Variants in BCL11B observed in about 807,000 individuals in gnomAD.
The protein encoded by BCL11B is B-cell lymphoma/leukemia 11B.
Under a neutral mutation model 49.9 loss-of-function variants are expected in BCL11B, and 8 were observed. The observed-to-expected ratio is 0.16, with a 90% CI of 0.09 to 0.29. The LOEUF (loss-of-function observed/expected upper bound fraction) is 0.29. Among genes scored for constraint, BCL11B ranks in the 10% least tolerant of loss-of-function variants. The pLI is 1.00. For missense variants in BCL11B, 1,006 were observed against 1,351.0 expected (o/e 0.74, Z 4.00); for synonymous variants, 739 against 637.4 (o/e 1.16, Z -2.40).
At chr14:99,244,160 C>T (rs183931673) in intron 2 of BCL11B, among the ~76,000 whole-genome samples, 25 of 150,958 alleles carry the variant, frequency 1.7e-4, no homozygotes, top group African/African-American at 5.2e-4. Context: ...AGAAATCACG[C>T]GTAATTCTGA....
chr14:99,227,534 G>C (rs1888193015), intron 3 of BCL11B, among the ~76,000 whole-genome samples: 1 of 152,176 alleles, frequency 6.6e-6, no homozygotes, highest in Non-Finnish European at 1.5e-5. Flanking sequence ...ACAAAGCCCA[G>C]GAGTGTCCAA....
At chr14:99,269,325 G>A (rs1396003769) in intron 1 of BCL11B, among the ~76,000 whole-genome samples, 2 of 152,152 alleles carry the variant, frequency 1.3e-5, no homozygotes, top group Non-Finnish European at 2.9e-5. Flanking sequence ...CTTGGTAAAG[G>A]ATCGAAATGT....
chr14:99,199,683 T>TGCGCGCGCGCGC (rs1555378683), intron 3 of BCL11B, among the ~76,000 whole-genome samples: 24 of 73,638 alleles, frequency 3.3e-4, no homozygotes, highest in East Asian at 9.4e-4. Context: ...TGTGTGTGTG[T>TGCGCGCGCGCGC]GCGCGCGCGC....
Position 99,231,417 on chromosome 14 carries a change from G to A in BCL11B, c.568C>T (p.Pro190Ser), listed in dbSNP as rs1888329879. 2 of 1,596,776 alleles carry A rather than the reference G, an allele frequency of 1.3e-6. No individual in the cohort carries two copies. Among genetic ancestry groups the A allele is most frequent in the African/African-American group, 1.3e-5 (1 of 74,378 alleles). Residue 190 changes from proline to serine, a missense_variant, in exon 3 of 4, where the codon CCG becomes TCG. By Grantham distance (74) the Pro-to-Ser change is moderately conservative (BLOSUM62 -1). Coordinates refer to ENST00000357195, the MANE Select transcript of BCL11B (RefSeq NM_138576.4). The surrounding 1 kb of genome is among the most constrained non-coding windows in gnomAD (Gnocchi z 8.1). ...CLPLPCCSAR[P>S]VSGDGTQGEG... is the part of the protein sequence containing the mutation. ...CCCTGAGTCCCGTCACCCGAGACCG[G>A]GCGCGCGCTGCAGCACGGCAGGGGG...
At chr14:99,187,167 C>T (rs1886876926) in intron 3 of BCL11B, among the ~76,000 whole-genome samples, 2 of 152,202 alleles carry the variant, frequency 1.3e-5, no homozygotes, top group South Asian at 4.1e-4. Flanking sequence ...AGGAAACAGC[C>T]ACCCAACCCC....
At chr14:99,258,905 G>C (rs948464673) in intron 1 of BCL11B, among the ~76,000 whole-genome samples, 1 of 149,534 alleles carries the variant, frequency 6.7e-6, no homozygotes, top group Non-Finnish European at 1.5e-5. Context: ...TTTTTTTTGT[G>C]GGGGAGAGAG....
chr14:99,199,679 T>TGCGCGCGC (rs1416553945), intron 3 of BCL11B, among the ~76,000 whole-genome samples: 52 of 69,936 alleles, frequency 7.4e-4, no homozygotes, highest in East Asian at 1.2e-3. Context: ...TGTGTGTGTG[T>TGCGCGCGC]GTGTGCGCGC....
Position 99,257,696 on chromosome 14 carries a change from C to G in BCL11B, c.202G>C (p.Gly68Arg), listed in dbSNP as rs1300560260. Residue 68 changes from glycine to arginine, a missense_variant, in exon 2 of 4, where the codon GGG (glycine) becomes CGG (arginine). Coordinates refer to ENST00000357195, the MANE Select transcript of BCL11B (RefSeq NM_138576.4). This position sits in a 1 kb window ranked among gnomAD's most constrained non-coding sequence, Gnocchi z 6.2. ...CGQCQMNFPL[G>R]DILVFIEHKR... Reference sequence around the variant, plus strand: ...TGCTCTATAAAAACCAGGATGTCCCCCAAGGGGAAGTTCATTTGACACTGG... The same window carrying G: ...TGCTCTATAAAAACCAGGATGTCCCGCAAGGGGAAGTTCATTTGACACTGG... The G allele has an allele frequency of 9.9e-6, 16 of 1,612,462 alleles. No individual in the cohort carries two copies. Among genetic ancestry groups the G allele is most frequent in the Non-Finnish European group, 1.4e-5 (16 of 1,178,980 alleles).
intron 3 of BCL11B, among the ~76,000 whole-genome samples, chr14:99,207,157 C>T (rs890596117): frequency 6.6e-6 from 1 of 152,162 alleles, no homozygotes; most frequent in Non-Finnish European, 1.5e-5. Context: ...CCTTTTCTGT[C>T]CCTTGATTGT....
intron 1 of BCL11B, among the ~76,000 whole-genome samples, chr14:99,267,793 T>C (rs1889530308): frequency 6.6e-6 from 1 of 152,248 alleles, no homozygotes; most frequent in African/African-American, 2.4e-5. Context: ...CTAGTTGTTT[T>C]ACAAAATCGT....
At chr14:99,197,236 A>C (rs571916772) in intron 3 of BCL11B, among the ~76,000 whole-genome samples, 1 of 152,278 alleles carries the variant, frequency 6.6e-6, no homozygotes, top group East Asian at 1.9e-4. Flanking sequence ...GTGGGTCAGA[A>C]GCAATGAGCA....
rs1351587364 is a variant in BCL11B, at chr14:99,194,877, C to CTT, written c.641-18684_641-18683dup. 5.9e-5 allele frequency among the ~76,000 whole-genome samples: 9 copies of CTT among 152,318 alleles called. No homozygotes were observed. The highest frequency in any genetic ancestry group is 2.2e-4 in the African/African-American group (9 of 41,574). On this transcript the variant is annotated intron_variant, in intron 3 of 3. Coordinates refer to ENST00000357195, the MANE Select transcript of BCL11B (RefSeq NM_138576.4). This position sits in a 1 kb window ranked among gnomAD's most constrained non-coding sequence, Gnocchi z 4.6. ...TGGTCAGTCCTTACCACGATCCCATCTTACCTCAGCTCCCAAGTGCAGAAG... is the reference window on the plus strand; with the variant it reads ...TGGTCAGTCCTTACCACGATCCCATCTTTTACCTCAGCTCCCAAGTGCAGAAG...
At chr14:99,180,103 C>A (rs555724104) in intron 3 of BCL11B, among the ~76,000 whole-genome samples, 3 of 152,296 alleles carry the variant, frequency 2.0e-5, no homozygotes, top group Non-Finnish European at 2.9e-5. Context: ...CTGTCACCCC[C>A]CTCCAGGAAC....
At chr14:99,219,653 A>G (rs1176127380) in intron 3 of BCL11B, among the ~76,000 whole-genome samples, 1 of 152,116 alleles carries the variant, frequency 6.6e-6, no homozygotes, top group Non-Finnish European at 1.5e-5. Context: ...CTGATTCCAA[A>G]TACGGGGCTC....
chr14:99,189,997 G>A (rs990318721), intron 3 of BCL11B, among the ~76,000 whole-genome samples: 1 of 152,172 alleles, frequency 6.6e-6, no homozygotes, highest in Non-Finnish European at 1.5e-5. Flanking sequence ...GCCGAGCCCA[G>A]GAAATCACTC....
intron 3 of BCL11B, among the ~76,000 whole-genome samples, chr14:99,215,233 G>T (rs953198035): frequency 6.6e-6 from 1 of 152,216 alleles, no homozygotes; most frequent in Admixed American, 6.5e-5. Context: ...ATCCAAATGT[G>T]TCACTAACAT....
At chr14:99,225,031 C>T (rs536358271) in intron 3 of BCL11B, among the ~76,000 whole-genome samples, 1 of 152,122 alleles carries the variant, frequency 6.6e-6, no homozygotes, top group Non-Finnish European at 1.5e-5. Context: ...TCCAAGGCAC[C>T]CAACGTGGGG....
rs1218870170 is a variant in BCL11B, at chr14:99,173,876, A to C, written c.*275T>G. 2.2e-6 allele frequency: 1 copy of C among 462,720 alleles called. No homozygotes were observed. Among genetic ancestry groups the C allele is most frequent in the African/African-American group, 2.0e-5 (1 of 50,768 alleles). The allele number at this position is 462,720 out of a possible 1,614,324, so 28.7% of individuals were successfully genotyped here. On this transcript the variant is annotated 3_prime_UTR_variant, in exon 4 of 4. Coordinates refer to ENST00000357195, the MANE Select transcript of BCL11B (RefSeq NM_138576.4). The stretch of plus-strand genomic sequence containing the variant: ...AGGAATTCAAACAGAAAAAATAATA[A>C]TAAAAAGTACCTGCACATGCCAAAA...
rs1889208415 is a variant in BCL11B, at chr14:99,257,610, G to A, written c.288C>T (p.Asp96=). The A allele has an allele frequency of 6.2e-7, 1 of 1,614,056 alleles. No homozygotes were observed. The highest frequency in any genetic ancestry group is 8.5e-7 in the Non-Finnish European group (1 of 1,179,962). ...CGGAGCGTGAGGAGGGTGGCGGGCTGTCCTTGTCCAGGGCCTTGTCATAGC... is the reference window on the plus strand; with the variant it reads ...CGGAGCGTGAGGAGGGTGGCGGGCTATCCTTGTCCAGGGCCTTGTCATAGC... ...GACYDKALDK[D]SPPPSSRSEL... The change falls in exon 2 of 4, where the codon GAC becomes GAT. Residue 96 remains aspartate (D), a synonymous_variant. Coordinates refer to ENST00000357195, the MANE Select transcript of BCL11B (RefSeq NM_138576.4). The surrounding 1 kb of genome is among the most constrained non-coding windows in gnomAD (Gnocchi z 6.2).
Sources: gnomAD v4.1 joint callset for allele counts (sites outside exome capture counted in the v4.1 genomes callset) on GRCh38, gnomAD v4.1.1 for gene constraint, Gnocchi (gnomAD v3.1) non-coding constraint, MANE v1.5 for transcripts, NCBI Gene and HGNC (gene_info 2026-07-23, HGNC 2026-07-21) for gene names.